SIK2: variants seen among roughly 807,000 people sequenced by gnomAD.
SIK2 encodes the protein serine/threonine-protein kinase SIK2.
SIK2 carries 29 observed loss-of-function variants against 103.2 expected under a neutral mutation model. That is an observed-to-expected ratio of 0.28 (90% confidence interval 0.21 to 0.38). SIK2 has a LOEUF of 0.38. Ranked by LOEUF, SIK2 falls within the 10% of genes least tolerant of loss-of-function variation. SIK2 has a pLI of 1.00. For missense variants in SIK2, 879 were observed against 1,171.0 expected (o/e 0.75, Z 3.64); for synonymous variants, 412 against 446.1 (o/e 0.92, Z 0.96).
At chr11:111,666,349 G>A (rs1942541507) in intron 3 of SIK2, among the ~76,000 whole-genome samples, 1 of 152,020 alleles carries the variant, frequency 6.6e-6, no homozygotes, top group Non-Finnish European at 1.5e-5. Context: ...AAATTAATTG[G>A]AATCTTTGTA....
chr11:111,630,219 A>G (rs1024430229), intron 3 of SIK2, among the ~76,000 whole-genome samples: 3 of 152,176 alleles, frequency 2.0e-5, no homozygotes, highest in Admixed American at 2.0e-4. Flanking sequence ...AGCTGGACAC[A>G]AAAGAGTACA....
intron 3 of SIK2, among the ~76,000 whole-genome samples, chr11:111,680,121 C>CA (rs796715615): frequency 5.0e-4 from 67 of 133,772 alleles, no homozygotes; most frequent in African/African-American, 1.2e-3. Flanking sequence ...GACTCCATCT[C>CA]AAAAAAAAAA....
chr11:111,655,692 G>A (rs1244269309), intron 3 of SIK2, among the ~76,000 whole-genome samples: 4 of 152,170 alleles, frequency 2.6e-5, no homozygotes, highest in East Asian at 1.9e-4. Flanking sequence ...TCTTGTTATG[G>A]TCCTTCCTAG....
At position 111,726,739 on chromosome 11, in the gene SIK2, ATC is replaced by A; in HGVS notation, c.*2611_*2612del. ...AAACAAAACACTAAGAAGGCTTAGT[ATC>A]GCTCTTTTTCTGCGGGGCTACTCTG... is the stretch of plus-strand genomic sequence containing the variant. On this transcript the variant is annotated 3_prime_UTR_variant, in exon 15 of 15. Transcript: ENST00000304987. The A allele has an allele frequency of 1.8e-6, 1 of 559,864 alleles. No individual in the cohort carries two copies. The highest frequency in any genetic ancestry group is 3.2e-6 in the Non-Finnish European group (1 of 313,310). The allele number at this position is 559,864 out of a possible 1,614,324, so 34.7% of individuals were successfully genotyped here. A position where few individuals can be genotyped will look rare whatever the true frequency, so the allele number is the denominator to read the frequency against.
chr11:111,654,827 T>C (rs948381065), intron 3 of SIK2, among the ~76,000 whole-genome samples: 2 of 152,196 alleles, frequency 1.3e-5, no homozygotes, highest in African/African-American at 4.8e-5. Context: ...CTTCACACTT[T>C]TGGAGTATTG....
chr11:111,664,788 G>T (rs1032899476), intron 3 of SIK2, among the ~76,000 whole-genome samples: 2 of 150,912 alleles, frequency 1.3e-5, no homozygotes, highest in African/African-American at 4.9e-5. Flanking sequence ...GCCTAAGATG[G>T]CCTAACTACT....
chr11:111,609,993 A>G (rs1434716416), intron 1 of SIK2, among the ~76,000 whole-genome samples: 1 of 152,242 alleles, frequency 6.6e-6, no homozygotes, highest in Non-Finnish European at 1.5e-5. Flanking sequence ...TATCTAAGAC[A>G]AGAAACACAT....
chr11:111,728,261 TG>T lies in SIK2; in HGVS notation c.*4133del, dbSNP rs1240487377. 2.7e-5 allele frequency: 4 copies of T among 150,686 alleles called. No individual in the cohort carries two copies. The highest frequency in any genetic ancestry group is 9.8e-5 in the African/African-American group (4 of 40,938). The allele number at this position is 150,686 out of a possible 1,614,324, so 9.3% of individuals were successfully genotyped here. On this transcript the variant is annotated 3_prime_UTR_variant, in exon 15 of 15. Transcript: ENST00000304987. ...GAGTCATTGTACAGGCAGGGATCTTTGATCATTTTGTTGCTTCTGGAATTTA... is the reference window on the plus strand; with the variant it reads ...GAGTCATTGTACAGGCAGGGATCTTTATCATTTTGTTGCTTCTGGAATTTA...
At chr11:111,677,029 T>C (rs1942712015) in intron 3 of SIK2, among the ~76,000 whole-genome samples, 1 of 152,172 alleles carries the variant, frequency 6.6e-6, no homozygotes, top group Non-Finnish European at 1.5e-5. Context: ...AGTCATCACT[T>C]AGAAATAATT....
At chr11:111,639,428 A>G (rs1413906178) in intron 3 of SIK2, among the ~76,000 whole-genome samples, 2 of 152,262 alleles carry the variant, frequency 1.3e-5, no homozygotes, top group Non-Finnish European at 2.9e-5. Flanking sequence ...TCAGAAATCC[A>G]GAATTTGCCT....
intron 3 of SIK2, among the ~76,000 whole-genome samples, chr11:111,639,887 C>CT (rs1301121133): frequency 2.0e-5 from 3 of 152,078 alleles, no homozygotes; most frequent in African/African-American, 7.2e-5. Flanking sequence ...TGAATGCTTC[C>CT]TTTTTTTCCC....
chr11:111,710,008 C>T (rs932840441), intron 8 of SIK2, among the ~76,000 whole-genome samples: 23 of 152,160 alleles, frequency 1.5e-4, no homozygotes, highest in African/African-American at 3.6e-4. Flanking sequence ...CCCAGTCATG[C>T]GTTGCCCTAA....
chr11:111,618,831 A>G (rs1269494156), intron 2 of SIK2, among the ~76,000 whole-genome samples: 1 of 152,172 alleles, frequency 6.6e-6, no homozygotes, highest in Non-Finnish European at 1.5e-5. Context: ...CATGGACTCA[A>G]GTGATCTTCC....
Position 111,701,322 on chromosome 11 carries a change from C to T in SIK2, c.604-130C>T. ...CAGGGTTTTGGATTTTTTTCAAATTCTGAGAAAATAATAAATCCAGACAGG... is the reference window on the plus strand; with the variant it reads ...CAGGGTTTTGGATTTTTTTCAAATTTTGAGAAAATAATAAATCCAGACAGG... On this transcript the variant is annotated intron_variant, in intron 5 of 14. Transcript: ENST00000304987. The surrounding 1 kb of genome is among the most constrained non-coding windows in gnomAD (Gnocchi z 4.2). 7.9e-7 allele frequency: 1 copy of T among 1,267,764 alleles called. No individual in the cohort carries two copies. The highest frequency in any genetic ancestry group is 1.1e-6 in the Non-Finnish European group (1 of 939,360). 78.5% of individuals were successfully genotyped at this position (1,267,764 alleles called of 1,614,324 possible).
Position 111,705,231 on chromosome 11 carries a change from A to C in SIK2, c.1101+92A>C. On this transcript the variant is annotated intron_variant, in intron 8 of 14. Coordinates refer to ENST00000304987, the MANE Select transcript of SIK2 (RefSeq NM_015191.3). The surrounding 1 kb of genome is among the most constrained non-coding windows in gnomAD (Gnocchi z 4.3). ...ATCTTATACACAGGGTTAGGATTTC[A>C]TCCTCTACACTCCGTTTTTCTGTAA... 4.6e-6 allele frequency: 6 copies of C among 1,307,704 alleles called. No individual in the cohort carries two copies. Among genetic ancestry groups the C allele is most frequent in the African/African-American group, 1.5e-5 (1 of 65,060 alleles). 81.0% of individuals were successfully genotyped at this position (1,307,704 alleles called of 1,614,324 possible).
chr11:111,721,814 C>A lies in SIK2; in HGVS notation c.1945-16C>A, dbSNP rs781733504. 6.3e-7 allele frequency: 1 copy of A among 1,581,782 alleles called. No homozygotes were observed. Among genetic ancestry groups the A allele is most frequent in the South Asian group, 1.2e-5 (1 of 86,118 alleles). ...CATGGGGAATTGAAAATTGTTTCCACCCCCTTGCTCCTCAGGAAGAAGTTT... is the reference window on the plus strand; with the variant it reads ...CATGGGGAATTGAAAATTGTTTCCAACCCCTTGCTCCTCAGGAAGAAGTTT... On this transcript the variant is annotated splice_polypyrimidine_tract_variant and intron_variant, in intron 12 of 14. Coordinates refer to ENST00000304987, the MANE Select transcript of SIK2 (RefSeq NM_015191.3).
intron 3 of SIK2, among the ~76,000 whole-genome samples, chr11:111,667,872 TATAA>T (rs1378299540): frequency 1.3e-5 from 2 of 152,212 alleles, no homozygotes; most frequent in African/African-American, 4.8e-5. Flanking sequence ...TCTTGTGGCA[TATAA>T]ATAAATTATA....
intron 4 of SIK2, among the ~76,000 whole-genome samples, chr11:111,691,150 C>T (rs569844714): frequency 2.0e-5 from 3 of 152,252 alleles, no homozygotes; most frequent in African/African-American, 7.2e-5. Context: ...ATACGTGGGT[C>T]AAATCAGTGT....
At position 111,602,904 on chromosome 11, in the gene SIK2, G is replaced by T. The variant is rs983687182; in HGVS notation, c.135+206G>T. 2.6e-5 allele frequency among the ~76,000 whole-genome samples: 4 copies of T among 152,124 alleles called. No individual in the cohort carries two copies. The South Asian group carries it at 8.3e-4, about 32-fold the overall frequency. ...GGATCGGGCCCGGGCACCCGGACCC[G>T]AGTGTCGTCCGACTGGAAACGCAAC... On this transcript the variant is annotated intron_variant, in intron 1 of 14. Coordinates refer to ENST00000304987, the MANE Select transcript of SIK2 (RefSeq NM_015191.3). The surrounding 1 kb of genome is among the most constrained non-coding windows in gnomAD (Gnocchi z 4.5).
Sources: allele counts gnomAD v4.1 joint callset (sites outside exome capture counted in the v4.1 genomes callset), GRCh38; gene constraint gnomAD v4.1.1; non-coding constraint Gnocchi (gnomAD v3.1); transcripts MANE v1.5; gene names NCBI Gene and HGNC (gene_info 2026-07-23, HGNC 2026-07-21).